Variants in AGBL1 observed in about 807,000 individuals in gnomAD.
The protein encoded by AGBL1 is AGBL carboxypeptidase 1, also known as cytosolic carboxypeptidase 4.
A neutral mutation model predicts 118.9 loss-of-function variants in AGBL1; 130 were observed. That is an observed-to-expected ratio of 1.09 (90% confidence interval 0.95 to 1.26). The LOEUF (loss-of-function observed/expected upper bound fraction) is 1.26. AGBL1 is among the 50% of genes most tolerant of loss of function. The pLI, the probability that AGBL1 is intolerant of heterozygous loss-of-function variation, is 0.00. For missense variants in AGBL1, 1,584 were observed against 1,298.1 expected, an observed-to-expected ratio of 1.22 and a Z score of -3.38; for synonymous variants, 555 against 478.9, an observed-to-expected ratio of 1.16 and a Z score of -2.08.
intron 24 of AGBL1, among the ~76,000 whole-genome samples, chr15:87,018,948 C>T (rs1200912679): frequency 6.6e-6 from 1 of 151,686 alleles, no homozygotes; most frequent in Non-Finnish European, 1.5e-5. Flanking sequence ...AAATGGAAAA[C>T]AGAGAAAAGC....
intron 17 of AGBL1, among the ~76,000 whole-genome samples, chr15:86,312,773 G>A (rs1469829971): frequency 1.3e-5 from 2 of 152,182 alleles, no homozygotes; most frequent in Non-Finnish European, 2.9e-5. Flanking sequence ...GAAACTGACA[G>A]GGTAAAGCCC....
intron 5 of AGBL1, among the ~76,000 whole-genome samples, chr15:86,177,528 A>T (rs571534225): frequency 1.3e-5 from 2 of 152,240 alleles, no homozygotes; most frequent in African/African-American, 4.8e-5. Flanking sequence ...TTTTACAAAG[A>T]TAGATAATAT....
In AGBL1 at chr15:86,910,766, G is replaced by T. The variant is rs2080339521; in HGVS notation, c.*3472G>T. 6.6e-6 allele frequency: 1 copy of T among 152,200 alleles called. No individual in the cohort carries two copies. The highest frequency in any genetic ancestry group is 2.1e-4 in the South Asian group (1 of 4,818). 9.4% of individuals were successfully genotyped at this position (152,200 alleles called of 1,614,324 possible). A position where few individuals can be genotyped will look rare whatever the true frequency, so the allele number is the denominator to read the frequency against. On this transcript the variant is annotated 3_prime_UTR_variant, in exon 23 of 23. Coordinates refer to ENST00000614907, the MANE Select transcript of AGBL1 (RefSeq NM_001386094.1). ...GGTGTACCTAACACTTGGTGATTTT[G>T]GGGACACAGGTGAATGTCCTGAGCA...
chr15:86,734,131 C>T (rs1162831452), intron 22 of AGBL1, among the ~76,000 whole-genome samples: 1 of 152,138 alleles, frequency 6.6e-6, no homozygotes, highest in Non-Finnish European at 1.5e-5. Flanking sequence ...AGGCTATAAG[C>T]AACCCTAGGA....
At chr15:86,317,542 C>A (rs530563847) in intron 17 of AGBL1, among the ~76,000 whole-genome samples, 8 of 152,128 alleles carry the variant, frequency 5.3e-5, no homozygotes, top group Admixed American at 5.2e-4. Context: ...GTGATGAACA[C>A]CATGCACAAT....
intron 16 of AGBL1, 59 bp from the exon 17 acceptor site, chr15:86,295,196 T>C: frequency 6.4e-7 from 1 of 1,564,832 alleles, no homozygotes; most frequent in African/African-American, 1.4e-5. Flanking sequence ...TGTTGTTTTC[T>C]ATTATTGTTG....
intron 5 of AGBL1, among the ~76,000 whole-genome samples, chr15:86,196,879 GCACACACACACACACACACACACACA>G (rs59632011): frequency 7.4e-4 from 87 of 117,014 alleles, no homozygotes; most frequent in African/African-American, 3.0e-3. Flanking sequence ...GCGCGCGCGC[GCACACACACACACACACACACACACA>G]CACACACACA....
At chr15:86,891,577 A>AG (rs147000264) in intron 22 of AGBL1, among the ~76,000 whole-genome samples, 3,090 of 149,534 alleles carry the variant, frequency 0.021, 112 homozygotes, top group East Asian at 0.18. Context: ...AGAAATAATG[A>AG]GGAAAAAAAA....
intron 21 of AGBL1, among the ~76,000 whole-genome samples, chr15:86,579,991 T>C (rs1385952353): frequency 2.0e-5 from 3 of 152,186 alleles, no homozygotes; most frequent in Admixed American, 6.5e-5. Flanking sequence ...AAGTGAAGCA[T>C]AGGCAGGGGA....
At chr15:86,652,723 T>A (rs1164808812) in intron 21 of AGBL1, among the ~76,000 whole-genome samples, 2 of 152,204 alleles carry the variant, frequency 1.3e-5, no homozygotes, top group Admixed American at 1.3e-4. Context: ...AGTTTTCTCT[T>A]TGAAATTTCA....
chr15:86,174,356 G>T (rs2077454008), intron 5 of AGBL1, among the ~76,000 whole-genome samples: 1 of 151,974 alleles, frequency 6.6e-6, no homozygotes, highest in African/African-American at 2.4e-5. Flanking sequence ...GTGTAGTCTT[G>T]GTTTTTCTAA....
intron 18 of AGBL1, among the ~76,000 whole-genome samples, chr15:86,490,148 A>G (rs2082761343): frequency 1.3e-5 from 2 of 152,040 alleles, no homozygotes; most frequent in Non-Finnish European, 2.9e-5. Flanking sequence ...CTTCTTCCTT[A>G]TCTCGTACTT....
chr15:86,330,205 G>T (rs2080248331), intron 17 of AGBL1, among the ~76,000 whole-genome samples: 1 of 152,166 alleles, frequency 6.6e-6, no homozygotes, highest in Admixed American at 6.5e-5. Flanking sequence ...AGGCAACAGA[G>T]AACTTTTGCC....
Position 86,560,728 on chromosome 15 carries a change from A to G in AGBL1, c.2994+6191A>G, listed in dbSNP as rs532323855. On this transcript the variant is annotated intron_variant, in intron 21 of 22. Transcript: ENST00000614907. ...AGGAATCGCCACACTGTCTTCCACA[A>G]TGGTTGAACCAGTTTACAGTCCCAC... Among the ~76,000 whole-genome samples, 5 of 152,320 alleles carry G rather than the reference A, an allele frequency of 3.3e-5. No individual in the cohort carries two copies. The East Asian group carries it at 9.6e-4, about 29-fold the overall frequency.
At chr15:86,394,873 G>C (rs1427421426) in intron 17 of AGBL1, among the ~76,000 whole-genome samples, 1 of 152,148 alleles carries the variant, frequency 6.6e-6, no homozygotes, top group Non-Finnish European at 1.5e-5. Context: ...GGACACAACT[G>C]TGTCACATGG....
At chr15:86,888,362 GA>G (rs11290498) in intron 22 of AGBL1, among the ~76,000 whole-genome samples, 28,041 of 126,908 alleles carry the variant, frequency 0.22, 2,528 homozygotes, top group South Asian at 0.29. Flanking sequence ...CTCTTCAAAA[GA>G]AAAAAAAAAA....
chr15:86,422,776 C>T (rs2081809914), intron 18 of AGBL1, among the ~76,000 whole-genome samples: 1 of 151,952 alleles, frequency 6.6e-6, no homozygotes, highest in Admixed American at 6.6e-5. Context: ...ACCACTGATC[C>T]CACAGAAATA....
intron 15 of AGBL1, among the ~76,000 whole-genome samples, chr15:86,278,695 A>G (rs538894429): frequency 1.3e-4 from 20 of 152,294 alleles, no homozygotes; most frequent in African/African-American, 4.8e-4. Flanking sequence ...TAAATGTTCA[A>G]AGGTGGAATT....
intron 21 of AGBL1, among the ~76,000 whole-genome samples, chr15:86,659,291 A>G (rs147359548): frequency 4.1e-4 from 63 of 152,306 alleles, no homozygotes; most frequent in African/African-American, 1.4e-3. Context: ...AGTGGACACT[A>G]TTTAAAGAGC....
Sources: gnomAD v4.1 joint callset for allele counts (sites outside exome capture counted in the v4.1 genomes callset) on GRCh38, gnomAD v4.1.1 for gene constraint, MANE v1.5 for transcripts, NCBI Gene and HGNC (gene_info 2026-07-23, HGNC 2026-07-21) for gene names.